Variants in CXCL13 observed in about 807,000 individuals in gnomAD.
CXCL13 encodes C-X-C motif chemokine 13.
Under a neutral mutation model 12.2 loss-of-function variants are expected in CXCL13, and 7 were observed. That is an observed-to-expected ratio of 0.57 (90% CI 0.33 to 1.07). The LOEUF is 1.07. CXCL13 is among the 50% of genes least tolerant of loss of function. CXCL13 has a pLI of 0.04. For synonymous variants in CXCL13, 47 were observed against 42.4 expected, an observed-to-expected ratio of 1.11 and a Z score of -0.42; for missense variants, 113 against 127.4, an observed-to-expected ratio of 0.89 and a Z score of 0.55.
At chr4:77,514,018 A>G (rs1424428734) in intron 1 of CXCL13, among the ~76,000 whole-genome samples, 3 of 151,656 alleles carry the variant, frequency 2.0e-5, no homozygotes, top group East Asian at 3.9e-4. Flanking sequence ...ATGTGTTCTC[A>G]TTGTTCAATT....
At chr4:77,605,547 G>A (rs1726982008), upstream of CXCL13, among the ~76,000 whole-genome samples, 1 of 152,118 alleles carries the variant, frequency 6.6e-6, no homozygotes. Flanking sequence ...TAAAGACAGT[G>A]CTTTGGAGCT....
intron 1 of CXCL13, among the ~76,000 whole-genome samples, chr4:77,546,770 G>A (rs769675339): frequency 2.6e-5 from 4 of 151,990 alleles, no homozygotes; most frequent in Non-Finnish European, 5.9e-5. Context: ...GTTATTCCTT[G>A]CCTTCTGCTA....
At chr4:77,584,521 A>G (rs1397403992) in intron 1 of CXCL13, among the ~76,000 whole-genome samples, 1 of 152,238 alleles carries the variant, frequency 6.6e-6, no homozygotes, top group Non-Finnish European at 1.5e-5. Context: ...CAGAAAGTAA[A>G]ATTAGATTGT....
chr4:77,523,911 G>A (rs1477356717), intron 1 of CXCL13, among the ~76,000 whole-genome samples: 1 of 151,696 alleles, frequency 6.6e-6, no homozygotes, highest in African/African-American at 2.4e-5. Flanking sequence ...ATGTCCTTTT[G>A]TTGATGTTGA....
chr4:77,514,543 T>C (rs547369377), intron 1 of CXCL13, among the ~76,000 whole-genome samples: 3 of 147,536 alleles, frequency 2.0e-5, no homozygotes, highest in Admixed American at 1.4e-4. Context: ...GATTTGCATT[T>C]CTCTGATGGC....
In CXCL13 at chr4:77,533,383, G is replaced by A. The variant is rs189931529; in HGVS notation, c.-43+21595G>A. Among the ~76,000 whole-genome samples the A allele has an allele frequency of 3.8e-3, 578 of 152,296 alleles. 4 individuals carry two copies. Among genetic ancestry groups the A allele is most frequent in the African/African-American group, 0.013 (537 of 41,568 alleles). ...GAACAGCAGATGTTGCTGCCTGATC[G>A]TTCCTCTGGAAGTTTTGTCTCAGAG... On this transcript the variant is annotated intron_variant, in intron 1 of 4. Coordinates refer to the CXCL13 transcript ENST00000286758.
chr4:77,546,158 T>C (rs542728851), intron 1 of CXCL13, among the ~76,000 whole-genome samples: 1 of 152,332 alleles, frequency 6.6e-6, no homozygotes, highest in South Asian at 2.1e-4. Flanking sequence ...GCCACTATCT[T>C]ACTGAGGATT....
intron 1 of CXCL13, among the ~76,000 whole-genome samples, chr4:77,538,385 T>C (rs973861677): frequency 2.0e-5 from 3 of 151,718 alleles, no homozygotes; most frequent in Non-Finnish European, 4.4e-5. Flanking sequence ...CTTGAGGGTG[T>C]AACAATGAAT....
At chr4:77,554,244 A>G (rs563263439) in intron 1 of CXCL13, among the ~76,000 whole-genome samples, 2 of 152,192 alleles carry the variant, frequency 1.3e-5, no homozygotes, top group African/African-American at 2.4e-5. Flanking sequence ...ATAAAATAAT[A>G]TGTTCAAATT....
At chr4:77,566,444 C>A (rs1014970714) in intron 1 of CXCL13, among the ~76,000 whole-genome samples, 3 of 152,162 alleles carry the variant, frequency 2.0e-5, no homozygotes, top group Non-Finnish European at 4.4e-5. Context: ...GACATTTCAG[C>A]TCTAAAACTG....
rs191018636 is a variant in CXCL13, at chr4:77,595,235, T to C, written c.-42-10589T>C. Among the ~76,000 whole-genome samples, 975 of 152,274 alleles carry C rather than the reference T, an allele frequency of 6.4e-3. 42 individuals carry two copies. Among genetic ancestry groups the C allele is most frequent in the Admixed American group, 0.057 (876 of 15,296 alleles). ...AGTTATCTTCTAAGACCTCTTATGC[T>C]ATAATCAAGAAAACATGTTGTCTTA... On this transcript the variant is annotated intron_variant, in intron 1 of 4. Coordinates refer to the CXCL13 transcript ENST00000286758.
In CXCL13 at chr4:77,611,070, T is replaced by C; in HGVS notation, c.*31T>C. The stretch of plus-strand genomic sequence containing the variant: ...ATATTTCCACTAAGAACACCTGCAT[T>C]CTTCCCTTATCCCTGCTCTGGATTT... On this transcript the variant is annotated 3_prime_UTR_variant, in exon 4 of 4. Coordinates refer to ENST00000682537, the MANE Select transcript of CXCL13 (RefSeq NM_001371558.1). The C allele has an allele frequency of 1.3e-6, 2 of 1,552,794 alleles. No individual in the cohort carries two copies. Among genetic ancestry groups the C allele is most frequent in the Non-Finnish European group, 1.8e-6 (2 of 1,130,576 alleles).
chr4:77,518,872 T>C (rs1724499721), intron 1 of CXCL13, among the ~76,000 whole-genome samples: 1 of 152,224 alleles, frequency 6.6e-6, no homozygotes, highest in African/African-American at 2.4e-5. Flanking sequence ...GGTGCTCTGC[T>C]TTTTAGAGTT....
At chr4:77,551,476 T>C (rs1725520234) in intron 1 of CXCL13, among the ~76,000 whole-genome samples, 1 of 152,250 alleles carries the variant, frequency 6.6e-6, no homozygotes, top group Non-Finnish European at 1.5e-5. Flanking sequence ...GTAAGGTTTC[T>C]GCTGGGAAGT....
chr4:77,593,990 C>T (rs1426540319), intron 1 of CXCL13, among the ~76,000 whole-genome samples: 1 of 152,176 alleles, frequency 6.6e-6, no homozygotes, highest in Non-Finnish European at 1.5e-5. Context: ...AGCAAAAGGT[C>T]AGCATTGCTG....
At chr4:77,521,922 A>G (rs915452736) in intron 1 of CXCL13, among the ~76,000 whole-genome samples, 5 of 151,954 alleles carry the variant, frequency 3.3e-5, no homozygotes, top group African/African-American at 1.2e-4. Flanking sequence ...CTTTGTTCTT[A>G]TGGTTTCAAA....
intron 1 of CXCL13, among the ~76,000 whole-genome samples, chr4:77,591,475 C>T (rs1317736408): frequency 7.2e-6 from 1 of 138,108 alleles, no homozygotes; most frequent in Non-Finnish European, 1.5e-5. Context: ...GGCCTGAACT[C>T]GGGAGGCGGA....
intron 1 of CXCL13, among the ~76,000 whole-genome samples, chr4:77,555,591 CTTCTTA>C (rs1464434738): frequency 6.6e-6 from 1 of 151,980 alleles, no homozygotes; most frequent in East Asian, 1.9e-4. Flanking sequence ...AGGAAAATGT[CTTCTTA>C]AACCTGGAGC....
intron 1 of CXCL13, among the ~76,000 whole-genome samples, chr4:77,598,234 G>A (rs542533492): frequency 6.6e-6 from 1 of 152,346 alleles, no homozygotes; most frequent in South Asian, 2.1e-4. Context: ...TGCGGAAGCC[G>A]TTGGTTCAGA....
Sources: allele counts gnomAD v4.1 joint callset (sites outside exome capture counted in the v4.1 genomes callset), GRCh38; gene constraint gnomAD v4.1.1; transcripts MANE v1.5; gene names NCBI Gene and HGNC (gene_info 2026-07-23, HGNC 2026-07-21).